The following C12orf42 variants were observed in gnomAD, a reference collection of about 807,000 sequenced individuals.
C12orf42 encodes the protein uncharacterized protein C12orf42.
Under a neutral mutation model 21.6 loss-of-function variants are expected in C12orf42, and 25 were observed. The observed-to-expected ratio is 1.16, with a 90% CI of 0.84 to 1.62. The LOEUF (loss-of-function observed/expected upper bound fraction) is 1.62. Ranked by LOEUF, C12orf42 falls within the 40% of genes most tolerant of loss-of-function variation. The pLI is 0.00. For synonymous variants in C12orf42, 174 were observed against 175.0 expected, an observed-to-expected ratio of 0.99 and a Z score of 0.05; for missense variants, 483 against 459.3, an observed-to-expected ratio of 1.05 and a Z score of -0.47.
chr12:103,153,301 A>G, the C12orf42 span, among the ~76,000 whole-genome samples: 11 of 152,306 alleles, frequency 7.2e-5, no homozygotes, highest in Non-Finnish European at 1.5e-4. Context: ...CACAAGGCAC[A>G]TCTCTAAAAG....
the C12orf42 span, among the ~76,000 whole-genome samples, chr12:103,200,859 C>T: frequency 6.6e-6 from 1 of 152,102 alleles, no homozygotes; most frequent in South Asian, 2.1e-4. Context: ...CTTTATTCAT[C>T]AAAATAGGAA....
intron 3 of C12orf42, among the ~76,000 whole-genome samples, chr12:103,382,909 A>G (rs941312551): frequency 6.6e-6 from 1 of 152,050 alleles, no homozygotes; most frequent in Non-Finnish European, 1.5e-5. Flanking sequence ...TCTTCTCTAT[A>G]CCCATCACTG....
chr12:103,064,642 C>T, the C12orf42 span, among the ~76,000 whole-genome samples: 1 of 152,250 alleles, frequency 6.6e-6, no homozygotes, highest in Admixed American at 6.5e-5. Flanking sequence ...GCCGGGTCCC[C>T]TTGGGGAAGG....
chr12:103,526,309 C>A, the C12orf42 span, among the ~76,000 whole-genome samples: 9 of 152,250 alleles, frequency 5.9e-5, no homozygotes, highest in South Asian at 1.9e-3. Flanking sequence ...TTGTCAGAAA[C>A]CAGAACTCAA....
At chr12:103,273,843 T>A (rs1197398264) in intron 5 of C12orf42, 1 of 456,302 alleles carries the variant, frequency 2.2e-6, no homozygotes, top group Non-Finnish European at 4.4e-6. Flanking sequence ...AGTTTCAGAC[T>A]GATGCACTCA....
chr12:103,327,662 A>G (rs993990908), intron 4 of C12orf42, among the ~76,000 whole-genome samples: 2 of 152,226 alleles, frequency 1.3e-5, no homozygotes, highest in African/African-American at 4.8e-5. Context: ...CTGGAGAAAG[A>G]TAATATTTAC....
chr12:103,100,564 G>A, the C12orf42 span, among the ~76,000 whole-genome samples: 2 of 152,126 alleles, frequency 1.3e-5, no homozygotes, highest in Non-Finnish European at 2.9e-5. Flanking sequence ...AGAACCACCC[G>A]GACAATGGCA....
At chr12:103,423,126 T>G (rs1195491796) in intron 2 of C12orf42, among the ~76,000 whole-genome samples, 1 of 152,164 alleles carries the variant, frequency 6.6e-6, no homozygotes, top group African/African-American at 2.4e-5. Flanking sequence ...CCCCCATGGG[T>G]CACTGTGTTG....
At chr12:103,113,993 T>C in the C12orf42 span, among the ~76,000 whole-genome samples, 11 of 152,312 alleles carry the variant, frequency 7.2e-5, no homozygotes, top group Non-Finnish European at 1.5e-4. Flanking sequence ...AAATTATAGT[T>C]TTTCTTTAAA....
the C12orf42 span, among the ~76,000 whole-genome samples, chr12:103,098,255 C>T: frequency 2.0e-5 from 3 of 152,072 alleles, no homozygotes; most frequent in Non-Finnish European, 2.9e-5. Context: ...GCCCTGTGGC[C>T]TATTAGGTAC....
At chr12:103,238,877 C>T (rs1432611558) in intron 10 of C12orf42, among the ~76,000 whole-genome samples, 1 of 152,100 alleles carries the variant, frequency 6.6e-6, no homozygotes, top group East Asian at 1.9e-4. Flanking sequence ...TCTATAAGCT[C>T]GATGGAGTCA....
intron 2 of C12orf42, among the ~76,000 whole-genome samples, chr12:103,405,760 C>T (rs1443172278): frequency 1.3e-5 from 2 of 152,072 alleles, no homozygotes; most frequent in East Asian, 1.9e-4. Context: ...ATCCTTGCTT[C>T]GGTCATTAAA....
At chr12:103,420,766 G>A (rs1029460224) in intron 2 of C12orf42, among the ~76,000 whole-genome samples, 21 of 152,052 alleles carry the variant, frequency 1.4e-4, no homozygotes, top group African/African-American at 4.6e-4. Context: ...TGATCTGCCC[G>A]CCTCGGCCTC....
intron 3 of C12orf42, among the ~76,000 whole-genome samples, chr12:103,372,747 T>C (rs781324810): frequency 2.0e-5 from 3 of 152,150 alleles, no homozygotes; most frequent in Non-Finnish European, 4.4e-5. Context: ...GTAGGAAAAC[T>C]GAGGCACCAA....
the C12orf42 span, among the ~76,000 whole-genome samples, chr12:103,085,512 G>T: frequency 1.3e-5 from 2 of 151,628 alleles, no homozygotes; most frequent in Admixed American, 6.6e-5. Flanking sequence ...GAGTCACTGT[G>T]CCTGCTGCAA....
chr12:103,260,322 G>C (rs2034830383), intron 10 of C12orf42, among the ~76,000 whole-genome samples: 1 of 152,140 alleles, frequency 6.6e-6, no homozygotes, highest in Non-Finnish European at 1.5e-5. Context: ...TGTTTTTGGA[G>C]GTCTTGCGCT....
downstream of C12orf42, among the ~76,000 whole-genome samples, chr12:103,235,369 T>C (rs1010966429): frequency 1.3e-5 from 2 of 152,162 alleles, no homozygotes; most frequent in African/African-American, 4.8e-5. Context: ...AACCTAATGA[T>C]TGTTTTAGAA....
chr12:103,540,351 A>G, the C12orf42 span, among the ~76,000 whole-genome samples: 20 of 152,146 alleles, frequency 1.3e-4, no homozygotes, highest in East Asian at 1.2e-3. Context: ...CCATATTATT[A>G]CTGATACTTT....
the C12orf42 span, among the ~76,000 whole-genome samples, chr12:103,201,789 A>C: frequency 6.6e-6 from 1 of 152,190 alleles, no homozygotes; most frequent in African/African-American, 2.4e-5. Context: ...TCCTGGGCCA[A>C]ATGCGTTGAT....
Sources: gnomAD v4.1 joint callset for allele counts (sites outside exome capture counted in the v4.1 genomes callset) on GRCh38, gnomAD v4.1.1 for gene constraint, MANE v1.5 for transcripts, NCBI Gene and HGNC (gene_info 2026-07-23, HGNC 2026-07-21) for gene names.